The following PPP3CA variants were observed in gnomAD, a reference collection of about 807,000 sequenced individuals.
PPP3CA encodes CAM-PRP catalytic subunit.
In PPP3CA, 14 loss-of-function variants were observed where a neutral mutation model predicts 66.5. The ratio of observed to expected loss-of-function variants is 0.21; its 90% CI spans 0.14 to 0.33. The LOEUF (loss-of-function observed/expected upper bound fraction) is 0.33, where lower values mean the gene tolerates loss of function less well. Ranked by LOEUF, PPP3CA falls within the 10% of genes least tolerant of loss-of-function variation. The pLI, the probability that PPP3CA is intolerant of heterozygous loss-of-function variation, is 1.00. For missense variants in PPP3CA, 317 were observed against 639.5 expected (o/e 0.50, Z 5.44); for synonymous variants, 232 against 226.2 (o/e 1.03, Z -0.23).
intron 2 of PPP3CA, among the ~76,000 whole-genome samples, chr4:101,148,957 C>A (rs1051415894): frequency 6.6e-6 from 1 of 152,114 alleles, no homozygotes; most frequent in African/African-American, 2.4e-5. Context: ...ATTGTTCTTA[C>A]ATTCTTTACT....
chr4:101,081,223 T>A (rs1729426515), intron 7 of PPP3CA, among the ~76,000 whole-genome samples: 1 of 152,156 alleles, frequency 6.6e-6, no homozygotes, highest in South Asian at 2.1e-4. Flanking sequence ...CATTTTTGCC[T>A]AGACTAAGTA....
intron 11 of PPP3CA, among the ~76,000 whole-genome samples, chr4:101,033,632 G>A (rs1727110936): frequency 6.6e-6 from 1 of 151,980 alleles, no homozygotes; most frequent in East Asian, 1.9e-4. Context: ...CAGCTTTTTT[G>A]AGATATAAAC....
intron 1 of PPP3CA, among the ~76,000 whole-genome samples, chr4:101,319,985 T>C (rs1485122070): frequency 1.3e-5 from 2 of 152,168 alleles, no homozygotes; most frequent in Non-Finnish European, 2.9e-5. Context: ...TAAGATATTG[T>C]GTATACCTGA....
chr4:101,099,756 T>C, intron 3 of PPP3CA, 34 bp from the exon 4 acceptor site: 4 of 1,202,604 alleles, frequency 3.3e-6, no homozygotes, highest in Non-Finnish European at 4.5e-6. Flanking sequence ...AAAATAAATA[T>C]TTTTCCTTAA....
intron 1 of PPP3CA, among the ~76,000 whole-genome samples, chr4:101,253,032 G>GA (rs1178729836): frequency 6.6e-6 from 1 of 152,068 alleles, no homozygotes; most frequent in Non-Finnish European, 1.5e-5. Flanking sequence ...AAGAAACTGT[G>GA]AAACCAACTC....
intron 1 of PPP3CA, among the ~76,000 whole-genome samples, chr4:101,334,138 C>CTT (rs796447504): frequency 1.4e-5 from 2 of 145,384 alleles, no homozygotes; most frequent in Non-Finnish European, 1.5e-5. Flanking sequence ...CCAAGTGACA[C>CTT]TTTTTTTTTT....
chr4:101,201,576 A>G (rs1299763069), intron 1 of PPP3CA, among the ~76,000 whole-genome samples: 1 of 152,222 alleles, frequency 6.6e-6, no homozygotes, highest in African/African-American at 2.4e-5. Context: ...CAGTCAATCA[A>G]CCACAACAGA....
chr4:101,318,956 A>T (rs1450012614), intron 1 of PPP3CA, among the ~76,000 whole-genome samples: 2 of 152,088 alleles, frequency 1.3e-5, no homozygotes, highest in Non-Finnish European at 2.9e-5. Context: ...ATATTCTTAA[A>T]TTCTTCTACA....
Position 101,278,145 on chromosome 4 carries a change from A to T in PPP3CA, c.58+68594T>A, listed in dbSNP as rs552129614. Among the ~76,000 whole-genome samples the T allele has an allele frequency of 1.3e-3, 194 of 148,600 alleles. 1 individual carries two copies. Among genetic ancestry groups the T allele is most frequent in the Non-Finnish European group, 2.2e-3 (152 of 67,660 alleles). On this transcript the variant is annotated intron_variant, in intron 1 of 13. Coordinates refer to ENST00000394854, the MANE Select transcript of PPP3CA (RefSeq NM_000944.5). ...AGTAAAAAAAAAAAAAAAAATAAAAAAATTAAAAAGTTATTTTAACTACGA... is the reference window on the plus strand; with the variant it reads ...AGTAAAAAAAAAAAAAAAAATAAAATAATTAAAAAGTTATTTTAACTACGA...
chr4:101,134,650 C>T (rs1328562024), intron 2 of PPP3CA, among the ~76,000 whole-genome samples: 3 of 152,160 alleles, frequency 2.0e-5, no homozygotes, highest in African/African-American at 7.2e-5. Context: ...ATTAGTTCAA[C>T]CATTGTGGAA....
chr4:101,302,011 C>T (rs796444272), intron 1 of PPP3CA, among the ~76,000 whole-genome samples: 7 of 151,918 alleles, frequency 4.6e-5, no homozygotes, highest in African/African-American at 1.7e-4. Flanking sequence ...AAAATGAATG[C>T]AAAGCTACAC....
intron 1 of PPP3CA, among the ~76,000 whole-genome samples, chr4:101,245,834 C>T (rs1726458900): frequency 6.6e-6 from 1 of 152,036 alleles, no homozygotes; most frequent in Middle Eastern, 3.4e-3. Context: ...ACAAGGGACC[C>T]TTCCTCCCTT....
At chr4:101,241,154 A>C (rs142688704) in intron 1 of PPP3CA, among the ~76,000 whole-genome samples, 30 of 152,292 alleles carry the variant, frequency 2.0e-4, no homozygotes, top group Non-Finnish European at 1.8e-4. Flanking sequence ...AGCATAAGCC[A>C]ACATGCCTGG....
chr4:101,155,475 T>G (rs1187290884), intron 2 of PPP3CA, among the ~76,000 whole-genome samples: 5 of 152,198 alleles, frequency 3.3e-5, no homozygotes, highest in Non-Finnish European at 7.3e-5. Context: ...TTCATCCACC[T>G]TTCTTTCTCA....
chr4:101,246,059 A>G (rs3804408), intron 1 of PPP3CA, among the ~76,000 whole-genome samples: 100,638 of 151,866 alleles, frequency 0.66, 34,319 homozygotes, highest in Non-Finnish European at 0.74. Flanking sequence ...TACGTCAACC[A>G]TGAAATCTTC....
chr4:101,034,086 C>G (rs1337906849), intron 11 of PPP3CA, among the ~76,000 whole-genome samples: 2 of 152,138 alleles, frequency 1.3e-5, no homozygotes, highest in Non-Finnish European at 2.9e-5. Context: ...GGCTTCTCCT[C>G]TCCTGATGGG....
intron 2 of PPP3CA, among the ~76,000 whole-genome samples, chr4:101,118,077 T>C (rs141852465): frequency 8.5e-5 from 13 of 152,222 alleles, no homozygotes; most frequent in Non-Finnish European, 2.9e-5. Flanking sequence ...TCGGCTGTCT[T>C]AGTGTTTCCA....
At chr4:101,303,873 T>C (rs962691650) in intron 1 of PPP3CA, among the ~76,000 whole-genome samples, 1 of 152,230 alleles carries the variant, frequency 6.6e-6, no homozygotes, top group Admixed American at 6.5e-5. Flanking sequence ...TTTTTGTTTG[T>C]ATTATCATGA....
At chr4:101,093,273 C>T (rs1009855570) in intron 6 of PPP3CA, among the ~76,000 whole-genome samples, 2 of 152,046 alleles carry the variant, frequency 1.3e-5, no homozygotes, top group Non-Finnish European at 2.9e-5. Flanking sequence ...AAACTACCAC[C>T]CTGATTAGTC....
Sources: gnomAD v4.1 joint callset for allele counts (sites outside exome capture counted in the v4.1 genomes callset) on GRCh38, gnomAD v4.1.1 for gene constraint, MANE v1.5 for transcripts, NCBI Gene and HGNC (gene_info 2026-07-23, HGNC 2026-07-21) for gene names.